Variants in DLGAP2 observed in about 807,000 individuals in gnomAD.
The protein encoded by DLGAP2 is disks large-associated protein 2.
Under a neutral mutation model 100.3 loss-of-function variants are expected in DLGAP2, and 26 were observed. The ratio of observed to expected loss-of-function variants is 0.26; its 90% CI spans 0.19 to 0.36. The LOEUF is 0.36. Ranked by LOEUF, DLGAP2 falls within the 10% of genes least tolerant of loss-of-function variation. The pLI is 1.00. For synonymous variants in DLGAP2, 886 were observed against 630.1 expected, an observed-to-expected ratio of 1.41 and a Z score of -6.08; for missense variants, 1,858 against 1,453.2, an observed-to-expected ratio of 1.28 and a Z score of -4.53.
chr8:1,337,438 ATGATGATGG>A (rs1801311747), intron 3 of DLGAP2, among the ~76,000 whole-genome samples: 1 of 104,936 alleles, frequency 9.5e-6, no homozygotes. Flanking sequence ...GATGGTGATG[ATGATGATGG>A]TGATGATGGT....
At chr8:1,409,378 C>T (rs1200841703) in intron 3 of DLGAP2, among the ~76,000 whole-genome samples, 1 of 152,228 alleles carries the variant, frequency 6.6e-6, no homozygotes, top group African/African-American at 2.4e-5. Flanking sequence ...CGTAGGCGCC[C>T]AGCTCTCCTT....
intron 2 of DLGAP2, among the ~76,000 whole-genome samples, chr8:1,256,579 G>A (rs926827668): frequency 6.6e-5 from 10 of 150,730 alleles, no homozygotes; most frequent in South Asian, 2.1e-4. Flanking sequence ...GGTGCTGTGC[G>A]TGTGTACTCT....
In DLGAP2 at chr8:1,308,466, A is replaced by G. The variant is rs146850783; in HGVS notation, c.106+49583A>G. On this transcript the variant is annotated intron_variant, in intron 3 of 14. Coordinates refer to ENST00000637795, the MANE Select transcript of DLGAP2 (RefSeq NM_001346810.2). ...GTGTCCAGTTTTCAACAAAATGACT[A>G]AAAGACATATAAAAAACAGGAAAGT... Among the ~76,000 whole-genome samples, 30 of 152,366 alleles carry G rather than the reference A, an allele frequency of 2.0e-4. No homozygotes were observed. In the East Asian group the frequency reaches 5.4e-3, roughly 27 times the overall value.
At chr8:1,531,163 C>T (rs1263607733) in intron 4 of DLGAP2, among the ~76,000 whole-genome samples, 1 of 151,864 alleles carries the variant, frequency 6.6e-6, no homozygotes, top group African/African-American at 2.4e-5. Context: ...AAGTTCCTCC[C>T]CTCCCCGCTA....
intron 3 of DLGAP2, among the ~76,000 whole-genome samples, chr8:1,464,716 C>G (rs887358227): frequency 2.8e-4 from 42 of 152,322 alleles, no homozygotes; most frequent in African/African-American, 1.0e-3. Flanking sequence ...ATTCTCCATG[C>G]TGAAAGTGAC....
At chr8:1,683,952 G>GTATATATA (rs1171271402) in intron 12 of DLGAP2, among the ~76,000 whole-genome samples, 269 of 20,288 alleles carry the variant, frequency 0.013, 8 homozygotes, top group African/African-American at 0.048. Context: ...ATATATATGT[G>GTATATATA]TGTATATATA....
intron 3 of DLGAP2, among the ~76,000 whole-genome samples, chr8:1,358,068 G>A (rs750435505): frequency 6.6e-6 from 1 of 152,174 alleles, no homozygotes; most frequent in Non-Finnish European, 1.5e-5. Flanking sequence ...GGGGGCACAG[G>A]CAGCGTCAGA....
In DLGAP2 at chr8:1,115,763, G is replaced by A. The variant is rs74632131; in HGVS notation, c.74-143088G>A. On this transcript the variant is annotated intron_variant, in intron 2 of 14. Transcript: ENST00000637795. The stretch of plus-strand genomic sequence containing the variant: ...CTTTGGCATGAGAATTCACATCAGC[G>A]GTCAGCCACACTCATTTTAAGGCAC... Among the ~76,000 whole-genome samples the A allele has an allele frequency of 1.1e-3, 169 of 152,244 alleles. 6 individuals carry two copies. The East Asian group carries it at 0.028, about 26-fold the overall frequency.
chr8:1,059,139 C>G (rs1236708510), intron 2 of DLGAP2, among the ~76,000 whole-genome samples: 1 of 152,134 alleles, frequency 6.6e-6, no homozygotes, highest in Non-Finnish European at 1.5e-5. Context: ...GCCAGCAGTG[C>G]TGCTCTCTGC....
chr8:1,479,851 T>C (rs1350764199), intron 3 of DLGAP2, among the ~76,000 whole-genome samples: 1 of 152,200 alleles, frequency 6.6e-6, no homozygotes, highest in African/African-American at 2.4e-5. Context: ...GAAGACTTTG[T>C]TGGGATGGAA....
At chr8:1,525,820 C>A (rs1370250021) in intron 4 of DLGAP2, among the ~76,000 whole-genome samples, 1 of 152,118 alleles carries the variant, frequency 6.6e-6, no homozygotes, top group Non-Finnish European at 1.5e-5. Context: ...GACGGGACCT[C>A]AGCATGTCTT....
At chr8:1,355,668 C>G (rs901760254) in intron 3 of DLGAP2, among the ~76,000 whole-genome samples, 3 of 152,086 alleles carry the variant, frequency 2.0e-5, no homozygotes, top group Admixed American at 2.0e-4. Context: ...TGGCCAAGTA[C>G]GAGTATTTTT....
chr8:1,005,537 T>C (rs558239668), intron 2 of DLGAP2, among the ~76,000 whole-genome samples: 2 of 151,484 alleles, frequency 1.3e-5, no homozygotes, highest in South Asian at 2.1e-4. Flanking sequence ...GCCTCCCAGA[T>C]AGCTGGGACT....
intron 2 of DLGAP2, among the ~76,000 whole-genome samples, chr8:1,251,271 A>G (rs1477556350): frequency 6.6e-6 from 1 of 152,218 alleles, no homozygotes; most frequent in Non-Finnish European, 1.5e-5. Context: ...ACTATCTCCT[A>G]GCATAGTACC....
At chr8:1,622,032 T>A (rs1267013853) in intron 6 of DLGAP2, 1 of 152,226 alleles carries the variant, frequency 6.6e-6, no homozygotes, top group African/African-American at 2.4e-5. Context: ...TGAAATCCAG[T>A]CATTAATTGT....
intron 2 of DLGAP2, among the ~76,000 whole-genome samples, chr8:1,093,308 G>A (rs944764771): frequency 7.9e-5 from 12 of 151,306 alleles, no homozygotes; most frequent in Non-Finnish European, 1.6e-4. Flanking sequence ...CTGACAGTCA[G>A]ACGGAAATAC....
intron 1 of DLGAP2, among the ~76,000 whole-genome samples, chr8:869,910 A>T (rs188782810): frequency 1.3e-5 from 2 of 152,054 alleles, no homozygotes; most frequent in Admixed American, 1.3e-4. Context: ...CTCTGGAAAG[A>T]GGACTAATCA....
At chr8:856,754 A>G (rs569548976) in intron 1 of DLGAP2, among the ~76,000 whole-genome samples, 42 of 152,334 alleles carry the variant, frequency 2.8e-4, no homozygotes, top group African/African-American at 9.4e-4. Flanking sequence ...GAGGCACCCC[A>G]TATCCCTGGA....
At chr8:1,512,406 C>T (rs985607145) in intron 4 of DLGAP2, among the ~76,000 whole-genome samples, 4 of 152,290 alleles carry the variant, frequency 2.6e-5, no homozygotes, top group South Asian at 2.1e-4. Context: ...AAATCGTCGG[C>T]GGCATAGGGA....
Sources: allele counts gnomAD v4.1 joint callset (sites outside exome capture counted in the v4.1 genomes callset), GRCh38; gene constraint gnomAD v4.1.1; transcripts MANE v1.5; gene names NCBI Gene and HGNC (gene_info 2026-07-23, HGNC 2026-07-21).